The following KCNH7 variants were observed in gnomAD, a reference collection of about 807,000 sequenced individuals.
KCNH7 encodes the protein voltage-gated inwardly rectifying potassium channel KCNH7.
In KCNH7, 49 loss-of-function variants were observed where a neutral mutation model predicts 120.8. The observed-to-expected ratio is 0.41, with a 90% confidence interval of 0.32 to 0.51. KCNH7 has a LOEUF of 0.51. Ranked by LOEUF, KCNH7 falls within the 20% of genes least tolerant of loss-of-function variation. The pLI is 0.38. For missense variants in KCNH7, 1,097 were observed against 1,446.6 expected, an observed-to-expected ratio of 0.76 and a Z score of 3.92; for synonymous variants, 547 against 516.1, an observed-to-expected ratio of 1.06 and a Z score of -0.81.
chr2:162,486,607 T>A (rs994338989), intron 6 of KCNH7, among the ~76,000 whole-genome samples: 13 of 152,178 alleles, frequency 8.5e-5, no homozygotes, highest in African/African-American at 2.9e-4. Context: ...TATTACGCAC[T>A]TATTCCTAAT....
chr2:162,753,162 C>A (rs1420757510), intron 2 of KCNH7, among the ~76,000 whole-genome samples: 4 of 151,688 alleles, frequency 2.6e-5, no homozygotes, highest in Admixed American at 2.6e-4. Context: ...GTCTTTGTTT[C>A]TTTCTTACTT....
At chr2:162,500,461 A>G (rs753557729) in intron 6 of KCNH7, among the ~76,000 whole-genome samples, 1 of 151,392 alleles carries the variant, frequency 6.6e-6, no homozygotes, top group Non-Finnish European at 1.5e-5. Context: ...GAATGACCAC[A>G]TAGTCCCTGT....
chr2:162,693,972 TA>T (rs1443907295), intron 2 of KCNH7, among the ~76,000 whole-genome samples: 2 of 152,140 alleles, frequency 1.3e-5, no homozygotes, highest in East Asian at 1.9e-4. Context: ...AGTGATTTAA[TA>T]AATTAATGAA....
At chr2:162,436,604 A>T (rs1315797800) in intron 7 of KCNH7, among the ~76,000 whole-genome samples, 2 of 152,188 alleles carry the variant, frequency 1.3e-5, no homozygotes, top group Admixed American at 1.3e-4. Flanking sequence ...TTCACAGGGC[A>T]TATAATTATT....
rs140501872 is a variant in KCNH7 at position 162,752,902 on chromosome 2, GA to G, written c.307+83634del. On this transcript the variant is annotated intron_variant, in intron 2 of 15. Coordinates refer to ENST00000332142, the MANE Select transcript of KCNH7 (RefSeq NM_033272.4). ...GGCAAAAGAGCAAGACTACATCTCA[GA>G]AAAAGAAAAGAAAAGAAAAGAAAAG... Among the ~76,000 whole-genome samples the G allele has an allele frequency of 6.4e-4, 39 of 61,280 alleles. 1 individual carries two copies. Among genetic ancestry groups the G allele is most frequent in the South Asian group, 2.4e-3 (5 of 2,084 alleles). 40.2% of individuals were successfully genotyped at this position (61,280 alleles called of 152,430 possible). A position where few individuals can be genotyped will look rare whatever the true frequency, so the allele number is the denominator to read the frequency against.
chr2:162,612,651 G>A (rs1683009187), intron 2 of KCNH7, among the ~76,000 whole-genome samples: 1 of 151,814 alleles, frequency 6.6e-6, no homozygotes, highest in South Asian at 2.1e-4. Context: ...AAAATATATG[G>A]AGAAGAATCA....
chr2:162,396,378 T>G (rs1345392204), intron 11 of KCNH7, among the ~76,000 whole-genome samples: 1 of 151,806 alleles, frequency 6.6e-6, no homozygotes, highest in Non-Finnish European at 1.5e-5. Flanking sequence ...GAGAGAATAT[T>G]CTAACCTCTG....
chr2:162,793,849 T>C (rs933978643), intron 2 of KCNH7, among the ~76,000 whole-genome samples: 2 of 152,002 alleles, frequency 1.3e-5, no homozygotes, highest in African/African-American at 2.4e-5. Flanking sequence ...CATTTTGCCT[T>C]ACATGTAAAT....
intron 2 of KCNH7, among the ~76,000 whole-genome samples, chr2:162,756,699 G>A (rs1688801022): frequency 6.6e-6 from 1 of 152,158 alleles, no homozygotes; most frequent in Non-Finnish European, 1.5e-5. Flanking sequence ...CTGGGCTCAA[G>A]TCGTCCTCTT....
intron 2 of KCNH7, among the ~76,000 whole-genome samples, chr2:162,574,789 G>A (rs1693614192): frequency 6.6e-6 from 1 of 152,018 alleles, no homozygotes; most frequent in Non-Finnish European, 1.5e-5. Context: ...GTCCCAGCAG[G>A]CCCATGACAC....
At chr2:162,673,235 A>T (rs892242739) in intron 2 of KCNH7, among the ~76,000 whole-genome samples, 4 of 152,084 alleles carry the variant, frequency 2.6e-5, no homozygotes, top group Admixed American at 1.3e-4. Flanking sequence ...GTAGAAAGAA[A>T]AAATAGAGAT....
intron 2 of KCNH7, among the ~76,000 whole-genome samples, chr2:162,587,293 T>C (rs1694051896): frequency 6.6e-6 from 1 of 152,130 alleles, no homozygotes; most frequent in Non-Finnish European, 1.5e-5. Flanking sequence ...GAAATTGTCA[T>C]GGGAATATTG....
intron 2 of KCNH7, among the ~76,000 whole-genome samples, chr2:162,764,849 C>T (rs905435730): frequency 6.6e-6 from 1 of 152,042 alleles, no homozygotes; most frequent in African/African-American, 2.4e-5. Context: ...TTACTCTAGC[C>T]AAAATAAATT....
chr2:162,658,997 G>A (rs1199273063), intron 2 of KCNH7, among the ~76,000 whole-genome samples: 2 of 152,116 alleles, frequency 1.3e-5, no homozygotes, highest in Admixed American at 6.5e-5. Context: ...AGGATTTCCA[G>A]TACAAGCCAA....
intron 2 of KCNH7, among the ~76,000 whole-genome samples, chr2:162,700,244 C>T (rs1160113166): frequency 1.3e-5 from 2 of 152,024 alleles, no homozygotes; most frequent in East Asian, 1.9e-4. Flanking sequence ...AGGGAGGAGA[C>T]GAGAAGAGAC....
intron 5 of KCNH7, 33 bp downstream of exon 5, chr2:162,512,621 C>T (rs768817938): frequency 1.7e-5 from 28 of 1,602,410 alleles, no homozygotes; most frequent in Non-Finnish European, 2.3e-5. Context: ...GCAGGTTGAA[C>T]ATCAGATGGT....
At chr2:162,538,144 C>T (rs1299344848) in intron 2 of KCNH7, 2 of 152,056 alleles carry the variant, frequency 1.3e-5, no homozygotes, top group African/African-American at 4.8e-5. Flanking sequence ...GGCCTGTGGG[C>T]TACATGTGGC....
intron 2 of KCNH7, among the ~76,000 whole-genome samples, chr2:162,544,215 T>C (rs13416666): frequency 0.19 from 29,019 of 152,076 alleles, 4,943 homozygotes; most frequent in African/African-American, 0.45. Context: ...CTCCGGGTAA[T>C]GTATATGACA....
intron 6 of KCNH7, among the ~76,000 whole-genome samples, chr2:162,492,668 A>G (rs1446306184): frequency 2.6e-5 from 4 of 152,112 alleles, no homozygotes; most frequent in Non-Finnish European, 5.9e-5. Context: ...ACCTTAGTTG[A>G]GGCTTATTGG....
Sources: gnomAD v4.1 joint callset for allele counts (sites outside exome capture counted in the v4.1 genomes callset) on GRCh38, gnomAD v4.1.1 for gene constraint, MANE v1.5 for transcripts, NCBI Gene and HGNC (gene_info 2026-07-23, HGNC 2026-07-21) for gene names.